HEG1: variants seen among roughly 807,000 people sequenced by gnomAD.
The protein encoded by HEG1 is protein HEG homolog 1.
In HEG1, 56 loss-of-function variants were observed where a neutral mutation model predicts 125.6. The ratio of observed to expected loss-of-function variants is 0.45; its 90% CI spans 0.36 to 0.56. The LOEUF (loss-of-function observed/expected upper bound fraction) is 0.56. Among genes scored for constraint, HEG1 ranks in the 20% least tolerant of loss-of-function variants. The pLI is 0.00. For synonymous variants in HEG1, 644 were observed against 668.5 expected (o/e 0.96, Z 0.57); for missense variants, 1,523 against 1,670.0 (o/e 0.91, Z 1.53).
intron 8 of HEG1, among the ~76,000 whole-genome samples, chr3:125,006,597 T>C (rs1042190933): frequency 1.3e-5 from 2 of 152,226 alleles, no homozygotes; most frequent in African/African-American, 4.8e-5. Context: ...ATCTTTTTGC[T>C]TGTTCTACAG....
At chr3:124,991,971 T>C (rs1228309281) in intron 12 of HEG1, among the ~76,000 whole-genome samples, 1 of 152,196 alleles carries the variant, frequency 6.6e-6, no homozygotes, top group South Asian at 2.1e-4. Context: ...AGATGAAGAA[T>C]GTCCCCTGGG....
chr3:124,981,213 A>T (rs571152713), intron 14 of HEG1, among the ~76,000 whole-genome samples: 4 of 145,836 alleles, frequency 2.7e-5, no homozygotes, highest in Non-Finnish European at 6.0e-5. Context: ...GGCACCAACT[A>T]TCATAAATTT....
chr3:124,985,522 G>C (rs1037329419), intron 14 of HEG1, among the ~76,000 whole-genome samples: 1 of 152,236 alleles, frequency 6.6e-6, no homozygotes, highest in Non-Finnish European at 1.5e-5. Context: ...CCTAAGAAAA[G>C]GGTGGAGGCA....
chr3:125,053,013 T>C (rs1937846963), intron 1 of HEG1, among the ~76,000 whole-genome samples: 1 of 152,216 alleles, frequency 6.6e-6, no homozygotes, highest in East Asian at 1.9e-4. Context: ...AGCATCCCCA[T>C]GGCACGAAAG....
intron 14 of HEG1, among the ~76,000 whole-genome samples, chr3:124,983,291 CCTCA>C (rs1936683941): frequency 6.6e-6 from 1 of 152,150 alleles, no homozygotes; most frequent in South Asian, 2.1e-4. Flanking sequence ...CCATATTTTT[CCTCA>C]CTGAGCTCAC....
In HEG1 at chr3:125,027,504, G is replaced by A. The variant is rs200253057; in HGVS notation, c.614C>T (p.Ser205Leu). The A allele has an allele frequency of 4.6e-5, 73 of 1,594,218 alleles. No individual in the cohort carries two copies. The East Asian group carries it at 5.4e-4, about 12-fold the overall frequency. The change falls in exon 3 of 17, where the codon TCA becomes TTA. Residue 205 changes from serine (S) to leucine (L), a missense_variant. Physicochemically the swap from Ser to Leu is moderately radical, Grantham distance 145. Coordinates refer to ENST00000311127, the MANE Select transcript of HEG1 (RefSeq NM_020733.2). ...ALTSQSGNLA[S>L]ESLHLPSSSS... ...GCTGGATGGCAGGTGAAGACTTTCT[G>A]AGGCTGAAAACAGACAAAAACAATT...
chr3:125,025,735 G>A (rs1209613490), intron 3 of HEG1, among the ~76,000 whole-genome samples: 3 of 152,138 alleles, frequency 2.0e-5, no homozygotes, highest in East Asian at 1.9e-4. Flanking sequence ...CCTTTCTACC[G>A]TTTAGTAAAG....
intron 1 of HEG1, among the ~76,000 whole-genome samples, 176 bp from the exon 2 acceptor site, chr3:125,029,664 T>C (rs939209166): frequency 6.6e-6 from 1 of 151,992 alleles, no homozygotes; most frequent in Non-Finnish European, 1.5e-5. Flanking sequence ...CTGAGGCGGG[T>C]GGATCACCTG....
rs1481083420 is a variant in HEG1 at position 125,055,717 on chromosome 3, G to A, written c.174C>T (p.Arg58=). The change falls in exon 1 of 17, where the codon CGC becomes CGT. Residue 58 remains arginine, a synonymous_variant. Coordinates refer to ENST00000311127, the MANE Select transcript of HEG1 (RefSeq NM_020733.2). The part of the protein sequence containing the change: ...AGAGLELQLE[R]RPEREPPPTP... ...TGGGCGGCGGCTCGCGCTCCGGGCGGCGCTCCAGCTGCAGCTCCAGCCCCG... is the reference window on the plus strand; with the variant it reads ...TGGGCGGCGGCTCGCGCTCCGGGCGACGCTCCAGCTGCAGCTCCAGCCCCG... 9.4e-7 allele frequency: 1 copy of A among 1,061,134 alleles called. No individual in the cohort carries two copies. Among genetic ancestry groups the A allele is most frequent in the Non-Finnish European group, 1.1e-6 (1 of 880,888 alleles). 65.7% of individuals were successfully genotyped at this position (1,061,134 alleles called of 1,614,324 possible).
At chr3:125,036,425 G>C (rs1356282874) in intron 1 of HEG1, among the ~76,000 whole-genome samples, 1 of 151,952 alleles carries the variant, frequency 6.6e-6, no homozygotes, top group Non-Finnish European at 1.5e-5. Flanking sequence ...TTAATTCTGG[G>C]GAACAGAAAA....
chr3:125,021,085 C>T lies in HEG1; in HGVS notation c.959G>A (p.Ser320Asn). 1.3e-6 allele frequency: 2 copies of T among 1,597,122 alleles called. No individual in the cohort carries two copies. The highest frequency in any genetic ancestry group is 1.3e-5 in the African/African-American group (1 of 74,818). Reference protein sequence around the residue: ...EKLNNSTGLQSSSVSQTKTMH... With the variant: ...EKLNNSTGLQNSSVSQTKTMH... ...TGTCTTTGTTTGACTGACTGAGGAG[C>T]TCTGGAGGCCAGTGGAGTTGTTAAG... The change falls in exon 4 of 17, where the codon AGC becomes AAC. Residue 320 changes from serine to asparagine, a missense_variant. Coordinates refer to ENST00000311127, the MANE Select transcript of HEG1 (RefSeq NM_020733.2).
chr3:125,032,539 G>A (rs1937511509), intron 1 of HEG1, among the ~76,000 whole-genome samples: 1 of 152,176 alleles, frequency 6.6e-6, no homozygotes, highest in South Asian at 2.1e-4. Flanking sequence ...CACAAGGCCT[G>A]TAAGTTCAGC....
chr3:125,004,899 T>TCA (rs1237268548), intron 9 of HEG1, among the ~76,000 whole-genome samples: 1 of 152,120 alleles, frequency 6.6e-6, no homozygotes, highest in Non-Finnish European at 1.5e-5. Context: ...AAGAGGAAAG[T>TCA]CACACAGCCT....
At chr3:124,975,757 AGT>A (rs1490238846) in intron 15 of HEG1, among the ~76,000 whole-genome samples, 1 of 152,234 alleles carries the variant, frequency 6.6e-6, no homozygotes, top group African/African-American at 2.4e-5. Context: ...ATTTCAGATA[AGT>A]CATATAAATA....
chr3:124,997,490 T>C lies in HEG1; in HGVS notation c.3652+199A>G, dbSNP rs1223232115. Among the ~76,000 whole-genome samples, 3 of 152,260 alleles carry C rather than the reference T, an allele frequency of 2.0e-5. No homozygotes were observed. In the South Asian group the frequency reaches 6.2e-4, roughly 31 times the overall value. On this transcript the variant is annotated intron_variant, in intron 12 of 16. Transcript: ENST00000311127. Reference sequence around the variant, plus strand: ...TTGAATTTAATTGGCCAGACCAGCATGCACCAGTCAAAGATAATGCTATTA... The same window carrying C: ...TTGAATTTAATTGGCCAGACCAGCACGCACCAGTCAAAGATAATGCTATTA...
At chr3:125,053,808 C>A (rs1191266273) in intron 1 of HEG1, among the ~76,000 whole-genome samples, 2 of 152,198 alleles carry the variant, frequency 1.3e-5, no homozygotes, top group Non-Finnish European at 2.9e-5. Context: ...CCAATTCTTA[C>A]CAGCTGAGTC....
At chr3:125,046,394 CACAT>C (rs1181541786) in intron 1 of HEG1, among the ~76,000 whole-genome samples, 1 of 77,462 alleles carries the variant, frequency 1.3e-5, no homozygotes, top group African/African-American at 9.0e-5. Flanking sequence ...TATATATATA[CACAT>C]ACACACACAC....
At chr3:124,987,952 C>CACACACATAT in intron 14 of HEG1, among the ~76,000 whole-genome samples, 1 of 54,660 alleles carries the variant, frequency 1.8e-5, no homozygotes. Flanking sequence ...CACACACACA[C>CACACACATAT]ATATATATAT....
chr3:124,978,383 T>A (rs2133653), intron 14 of HEG1, among the ~76,000 whole-genome samples: 7 of 151,854 alleles, frequency 4.6e-5, no homozygotes, highest in Admixed American at 4.6e-4. Context: ...TCCTGACCTC[T>A]TGATCCACCT....
Sources: allele counts gnomAD v4.1 joint callset (sites outside exome capture counted in the v4.1 genomes callset), GRCh38; gene constraint gnomAD v4.1.1; transcripts MANE v1.5; gene names NCBI Gene and HGNC (gene_info 2026-07-23, HGNC 2026-07-21).